ASXL1: variants seen among roughly 807,000 people sequenced by gnomAD.
ASXL1 encodes the protein ASXL transcriptional regulator 1, also known as polycomb group protein ASXL1.
Under a neutral mutation model 89.1 loss-of-function variants are expected in ASXL1, and 65 were observed. The observed-to-expected ratio is 0.73, with a 90% CI of 0.60 to 0.90. The LOEUF (loss-of-function observed/expected upper bound fraction) is 0.90. ASXL1 is among the 40% of genes least tolerant of loss of function. The pLI, the probability that ASXL1 is intolerant of heterozygous loss-of-function variation, is 0.00. For synonymous variants in ASXL1, 739 were observed against 746.9 expected, an observed-to-expected ratio of 0.99 and a Z score of 0.17; for missense variants, 1,786 against 1,942.9, an observed-to-expected ratio of 0.92 and a Z score of 1.52.
intron 1 of ASXL1, chr20:32,360,320 G>C (rs1569230650): frequency 6.5e-6 from 1 of 153,118 alleles, no homozygotes; most frequent in South Asian, 2.0e-4. Flanking sequence ...AGATTTTGAG[G>C]TTCCGAAATA....
intron 4 of ASXL1, among the ~76,000 whole-genome samples, chr20:32,392,300 G>A (rs888868249): frequency 3.5e-5 from 5 of 144,168 alleles, no homozygotes; most frequent in Non-Finnish European, 4.5e-5. Flanking sequence ...TTTTTTTTCC[G>A]AGATGGAGAT....
chr20:32,431,723 C>T (rs757341333), intron 10 of ASXL1, 44 bp downstream of exon 10: 13 of 1,587,612 alleles, frequency 8.2e-6, no homozygotes, highest in African/African-American at 2.7e-5. Context: ...ACGCACCTGT[C>T]GTGTGGTGTT....
intron 4 of ASXL1, among the ~76,000 whole-genome samples, chr20:32,402,410 T>A (rs1000489171): frequency 6.6e-5 from 10 of 152,264 alleles, no homozygotes; most frequent in Non-Finnish European, 1.5e-5. Context: ...ATAAAGCTGC[T>A]GTGAACATTT....
chr20:32,359,352 A>C lies in ASXL1; in HGVS notation c.57+520A>C, dbSNP rs1014773005. 5.7e-6 allele frequency: 4 copies of C among 702,348 alleles called. No individual in the cohort carries two copies. The East Asian group carries it at 8.0e-5, about 14-fold the overall frequency. 43.5% of individuals were successfully genotyped at this position (702,348 alleles called of 1,614,324 possible). Reference sequence around the variant, plus strand: ...TAAACCAGGTGCGTGGAGGGAAGCAAGTGCTTACTCCCAGCTTGAACCCTG... The same window carrying C: ...TAAACCAGGTGCGTGGAGGGAAGCACGTGCTTACTCCCAGCTTGAACCCTG... On this transcript the variant is annotated intron_variant, in intron 1 of 12. Coordinates refer to ENST00000375687, the MANE Select transcript of ASXL1 (RefSeq NM_015338.6).
chr20:32,397,415 T>G (rs1292711986), intron 4 of ASXL1, among the ~76,000 whole-genome samples: 7 of 142,220 alleles, frequency 4.9e-5, no homozygotes, highest in African/African-American at 1.8e-4. Context: ...TTTTTTTTTT[T>G]TTGAGATGGA....
intron 4 of ASXL1, among the ~76,000 whole-genome samples, chr20:32,384,493 G>T (rs1161122461): frequency 3.9e-5 from 6 of 152,158 alleles, no homozygotes; most frequent in Non-Finnish European, 1.5e-5. Context: ...ACCGTGCCCG[G>T]CCAGCAATCT....
chr20:32,374,998 C>A (rs533554499), intron 4 of ASXL1, among the ~76,000 whole-genome samples: 1 of 152,246 alleles, frequency 6.6e-6, no homozygotes, highest in South Asian at 2.1e-4. Context: ...TTATTTCTTA[C>A]AGCTATGGAG....
chr20:32,424,815 G>A (rs2123188126), intron 4 of ASXL1, among the ~76,000 whole-genome samples: 1 of 152,094 alleles, frequency 6.6e-6, no homozygotes, highest in East Asian at 1.9e-4. Flanking sequence ...ATAATTGTGG[G>A]AATGTAATAC....
intron 4 of ASXL1, among the ~76,000 whole-genome samples, chr20:32,399,575 A>C (rs1290817677): frequency 7.3e-6 from 1 of 136,192 alleles, no homozygotes; most frequent in African/African-American, 2.8e-5. Context: ...GGTACTCTTT[A>C]TCCAAACATT....
intron 4 of ASXL1, among the ~76,000 whole-genome samples, chr20:32,387,925 T>A (rs886516552): frequency 1.3e-5 from 2 of 152,336 alleles, no homozygotes; most frequent in Middle Eastern, 3.4e-3. Flanking sequence ...GGAACTCCAT[T>A]TTTTAAGTTG....
chr20:32,366,569 T>G, intron 2 of ASXL1, 103 bp downstream of exon 2: 1 of 1,593,622 alleles, frequency 6.3e-7, no homozygotes, highest in Non-Finnish European at 8.6e-7. Context: ...TATTTGTGCT[T>G]CTGTGTCTGG....
At chr20:32,388,584 A>G (rs2048618927) in intron 4 of ASXL1, among the ~76,000 whole-genome samples, 1 of 152,224 alleles carries the variant, frequency 6.6e-6, no homozygotes, top group Non-Finnish European at 1.5e-5. Context: ...GCATCCTTGC[A>G]TTCCTAGGAT....
In ASXL1 at chr20:32,435,426, A is replaced by G. The variant is rs758140687; in HGVS notation, c.2714A>G (p.Asp905Gly). ...SLHWIPIPSN[D>G]EVVKQPKPES... is the part of the protein sequence containing the mutation. ...CATTGGATACCCATCCCATCGAATG[A>G]TGAGGTAGTGAAACAGCCCAAACCA... is the stretch of plus-strand genomic sequence containing the variant. The change falls in exon 13 of 13, where the codon GAT becomes GGT. Residue 905 changes from aspartate to glycine, a missense_variant. By Grantham distance (94) the Asp-to-Gly change is moderately conservative (BLOSUM62 -1). This residue lies in a region of ASXL1 where 1,418 missense variants were observed against 1,427.8 expected (regional missense o/e 0.99). Transcript: ENST00000375687. The G allele has an allele frequency of 4.3e-6, 7 of 1,614,116 alleles. No homozygotes were observed. The highest frequency in any genetic ancestry group is 5.1e-6 in the Non-Finnish European group (6 of 1,180,022).
At chr20:32,422,017 C>T (rs1309750088) in intron 4 of ASXL1, among the ~76,000 whole-genome samples, 4 of 150,800 alleles carry the variant, frequency 2.7e-5, no homozygotes, top group Non-Finnish European at 4.4e-5. Context: ...TACAGGCGAC[C>T]GCCACCACTC....
At chr20:32,406,997 G>C (rs1051485568) in intron 4 of ASXL1, among the ~76,000 whole-genome samples, 4 of 152,128 alleles carry the variant, frequency 2.6e-5, no homozygotes, top group African/African-American at 7.2e-5. Context: ...GAGAAGGGCA[G>C]CTCTTCCCAT....
chr20:32,359,245 A>G (rs1041013132), intron 1 of ASXL1: 7 of 696,996 alleles, frequency 1.0e-5, no homozygotes, highest in Non-Finnish European at 1.8e-5. Context: ...CTGGTGGGTA[A>G]TGGGGTGGTG....
chr20:32,373,016 A>G (rs746679421), intron 4 of ASXL1, among the ~76,000 whole-genome samples: 1 of 146,514 alleles, frequency 6.8e-6, no homozygotes, highest in Non-Finnish European at 1.5e-5. Context: ...GACTCAAGCG[A>G]TCCACCCACC....
intron 4 of ASXL1, among the ~76,000 whole-genome samples, chr20:32,410,798 G>C (rs2049028926): frequency 6.6e-6 from 1 of 152,122 alleles, no homozygotes; most frequent in Non-Finnish European, 1.5e-5. Context: ...GGAGACCGAG[G>C]TGGGTGGATC....
intron 4 of ASXL1, among the ~76,000 whole-genome samples, chr20:32,394,166 C>T (rs773410881): frequency 2.0e-5 from 3 of 152,082 alleles, no homozygotes; most frequent in Non-Finnish European, 4.4e-5. Context: ...CCACACCCAG[C>T]TAATGTTTTG....
Sources: gnomAD v4.1 joint callset for allele counts (sites outside exome capture counted in the v4.1 genomes callset) on GRCh38, gnomAD v4.1.1 for gene constraint, gnomAD v4.1.1 regional missense constraint, MANE v1.5 for transcripts, NCBI Gene and HGNC (gene_info 2026-07-23, HGNC 2026-07-21) for gene names.